The following INPP5B variants were observed in gnomAD, a reference collection of about 807,000 sequenced individuals.
The protein encoded by INPP5B is type II inositol 1,4,5-trisphosphate 5-phosphatase.
INPP5B carries 90 observed loss-of-function variants against 118.5 expected under a neutral mutation model. The ratio of observed to expected loss-of-function variants is 0.76; its 90% CI spans 0.64 to 0.90. The LOEUF (loss-of-function observed/expected upper bound fraction) is 0.90. INPP5B is among the 40% of genes least tolerant of loss of function. The pLI, the probability that INPP5B is intolerant of heterozygous loss-of-function variation, is 0.00. For synonymous variants in INPP5B, 385 were observed against 418.9 expected (o/e 0.92, Z 0.99); for missense variants, 984 against 1,125.6 (o/e 0.87, Z 1.80).
intron 17 of INPP5B, 58 bp downstream of exon 17, chr1:37,875,548 G>T: frequency 1.5e-6 from 2 of 1,342,126 alleles, no homozygotes; most frequent in Non-Finnish European, 1.1e-6. Flanking sequence ...GATTACAGGC[G>T]TGAGCCACTG....
Position 37,945,802 on chromosome 1 carries a change from G to A in INPP5B, c.106C>T (p.Leu36=), listed in dbSNP as rs1391139742. The stretch of plus-strand genomic sequence containing the variant: ...TCCAGGCGGTAGCGCACGAGTCCCA[G>A]GAGGCGGCTCTGCCGGCTGTCCCCC... ...CEGDSRQSRL[L]GLVRYRLEHG... is the part of the protein sequence containing the mutation. The change falls in exon 3 of 24, where the codon CTG becomes TTG. Residue 36 remains leucine, a synonymous_variant. Coordinates refer to ENST00000373024, the MANE Select transcript of INPP5B (RefSeq NM_005540.3). 1 of 1,614,040 alleles carries A rather than the reference G, an allele frequency of 6.2e-7. No homozygotes were observed. Among genetic ancestry groups the A allele is most frequent in the Non-Finnish European group, 8.5e-7 (1 of 1,180,000 alleles).
rs1570426706 is a variant in INPP5B at position 37,943,539 on chromosome 1, A to G, written c.280+101T>C. 16 of 1,289,030 alleles carry G rather than the reference A, an allele frequency of 1.2e-5. No homozygotes were observed. The Middle Eastern group carries it at 1.3e-3, about 103-fold the overall frequency. 79.8% of individuals were successfully genotyped at this position (1,289,030 alleles called of 1,614,324 possible). On this transcript the variant is annotated intron_variant, in intron 5 of 23. Transcript: ENST00000373024. ...ATCCTACAGGGTCTTACTTGCTGCA[A>G]TAAGTTTAGCAGGGGGTGCTCTTAC...
At chr1:37,940,869 G>A (rs1645883729) in intron 5 of INPP5B, 71 bp from the exon 6 acceptor site, 1 of 1,075,102 alleles carries the variant, frequency 9.3e-7, no homozygotes. Context: ...CTAAGCCTGA[G>A]AATGGAGAAT....
chr1:37,898,885 C>A (rs540900791), intron 7 of INPP5B, among the ~76,000 whole-genome samples: 5 of 151,914 alleles, frequency 3.3e-5, no homozygotes, highest in African/African-American at 1.2e-4. Flanking sequence ...TGAGTGGTAT[C>A]TATAAGACTA....
At chr1:37,870,082 A>T (rs1642318649) in intron 19 of INPP5B, 1 of 152,130 alleles carries the variant, frequency 6.6e-6, no homozygotes, top group African/African-American at 2.4e-5. Flanking sequence ...GATTTAAAAA[A>T]AAACAAAAGA....
rs370354581 is a variant in INPP5B, at chr1:37,931,964, C to T, written c.481G>A (p.Gly161Ser). ...ELELEMPTPR[G>S]CNSALVTWPG... is the part of the protein sequence containing the mutation. ...CAGGTAACTAGGGCCGAGTTACAAC[C>T]GCGCGGCGTTGGCATCTCCAGCTCC... The change falls in exon 7 of 24, where the codon GGT becomes AGT. Residue 161 changes from glycine to serine, a missense_variant. Physicochemically the swap from Gly to Ser is moderately conservative, Grantham distance 56. Coordinates refer to ENST00000373024, the MANE Select transcript of INPP5B (RefSeq NM_005540.3). The T allele has an allele frequency of 1.9e-6, 3 of 1,614,042 alleles. No individual in the cohort carries two copies. The highest frequency in any genetic ancestry group is 1.7e-5 in the Admixed American group (1 of 60,014).
chr1:37,864,267 C>A lies in INPP5B; in HGVS notation c.2626+45G>T, dbSNP rs754138003. 1.3e-5 allele frequency: 14 copies of A among 1,064,554 alleles called. No homozygotes were observed. The South Asian group carries it at 1.7e-4, about 13-fold the overall frequency. 65.9% of individuals were successfully genotyped at this position (1,064,554 alleles called of 1,614,324 possible). On this transcript the variant is annotated intron_variant, in intron 23 of 23. Coordinates refer to ENST00000373024, the MANE Select transcript of INPP5B (RefSeq NM_005540.3). ...CTCAACCTCATTTCTCATTACGAGT[C>A]TCTCAGTTTGCAGAAATGCTTTCCA...
intron 16 of INPP5B, among the ~76,000 whole-genome samples, chr1:37,877,274 G>A (rs897677018): frequency 1.3e-5 from 2 of 150,244 alleles, no homozygotes; most frequent in African/African-American, 2.5e-5. Flanking sequence ...CCCGGGAGGC[G>A]GAGGTTGCAG....
At chr1:37,877,139 G>A (rs2148480267) in intron 16 of INPP5B, among the ~76,000 whole-genome samples, 1 of 152,060 alleles carries the variant, frequency 6.6e-6, no homozygotes, top group South Asian at 2.1e-4. Flanking sequence ...GGCCGAGTCA[G>A]GTGGATCACG....
Position 37,887,074 on chromosome 1 carries a change from C to G in INPP5B, c.1015-70G>C, listed in dbSNP as rs1570102694. ...ATAAATACCCCAAAGGAAACATAGT[C>G]TGGAAGCTGGCTGAGAGTATTCACG... On this transcript the variant is annotated intron_variant, in intron 11 of 23. Coordinates refer to ENST00000373024, the MANE Select transcript of INPP5B (RefSeq NM_005540.3). The G allele has an allele frequency of 9.3e-6, 12 of 1,294,364 alleles. No homozygotes were observed. The East Asian group carries it at 2.8e-4, about 30-fold the overall frequency. 80.2% of individuals were successfully genotyped at this position (1,294,364 alleles called of 1,614,324 possible).
intron 6 of INPP5B, among the ~76,000 whole-genome samples, chr1:37,938,597 A>G (rs1036540548): frequency 6.6e-6 from 1 of 152,214 alleles, no homozygotes; most frequent in African/African-American, 2.4e-5. Flanking sequence ...ACAGCTAGGT[A>G]CTGGCAGAGA....
rs369418327 is a variant in INPP5B at position 37,943,727 on chromosome 1, C to T, written c.251-58G>A. 78 of 1,612,030 alleles carry T rather than the reference C, an allele frequency of 4.8e-5. No individual in the cohort carries two copies. In the East Asian group the frequency reaches 5.8e-4, roughly 12 times the overall value. On this transcript the variant is annotated intron_variant, in intron 4 of 23. Transcript: ENST00000373024. ...ATTGAGCTTACTCCCCCTTGCCCCC[C>T]CATCAAGGACAAAGATGAGCTGGGG...
chr1:37,903,390 G>A (rs1644396777), intron 7 of INPP5B, among the ~76,000 whole-genome samples: 1 of 152,264 alleles, frequency 6.6e-6, no homozygotes, highest in African/African-American at 2.4e-5. Flanking sequence ...AAATGGGGAG[G>A]CTTGAATAAT....
chr1:37,876,505 G>C (rs1232378088), intron 16 of INPP5B, among the ~76,000 whole-genome samples: 2 of 137,548 alleles, frequency 1.5e-5, no homozygotes, highest in Non-Finnish European at 3.1e-5. Flanking sequence ...CTGAGCCCAG[G>C]AGTCACTTGA....
At chr1:37,903,542 C>T (rs1362943353) in intron 7 of INPP5B, among the ~76,000 whole-genome samples, 7 of 152,132 alleles carry the variant, frequency 4.6e-5, no homozygotes, top group African/African-American at 1.4e-4. Flanking sequence ...CTGGCTAACA[C>T]GGTGAAACCC....
intron 7 of INPP5B, among the ~76,000 whole-genome samples, chr1:37,913,050 G>A (rs1644754072): frequency 6.6e-6 from 1 of 151,808 alleles, no homozygotes; most frequent in African/African-American, 2.4e-5. Flanking sequence ...GAGGTCAGGA[G>A]ATCGAGACCA....
At chr1:37,901,819 C>A (rs1466222951) in intron 7 of INPP5B, among the ~76,000 whole-genome samples, 2 of 152,126 alleles carry the variant, frequency 1.3e-5, no homozygotes, top group Non-Finnish European at 2.9e-5. Flanking sequence ...CCATAGTTCC[C>A]CCTCTGGCCA....
intron 7 of INPP5B, among the ~76,000 whole-genome samples, chr1:37,919,879 T>G (rs1356435181): frequency 6.6e-6 from 1 of 151,960 alleles, no homozygotes; most frequent in South Asian, 2.1e-4. Context: ...GAGGCAGAGG[T>G]TGCAGTGAGC....
At chr1:37,942,624 G>A (rs922981203) in intron 5 of INPP5B, among the ~76,000 whole-genome samples, 5 of 150,520 alleles carry the variant, frequency 3.3e-5, no homozygotes, top group Non-Finnish European at 5.9e-5. Flanking sequence ...TAAGAAAAAG[G>A]CAAGCCAGGT....
Sources: allele counts gnomAD v4.1 joint callset (sites outside exome capture counted in the v4.1 genomes callset), GRCh38; gene constraint gnomAD v4.1.1; transcripts MANE v1.5; gene names NCBI Gene and HGNC (gene_info 2026-07-23, HGNC 2026-07-21).